The following NAA11 variants were observed in gnomAD, a reference collection of about 807,000 sequenced individuals.
NAA11 encodes the protein N-alpha-acetyltransferase 11, NatA catalytic subunit, also known as N-alpha-acetyltransferase 11.
NAA11 carries 15 observed loss-of-function variants against 16.1 expected under a neutral mutation model. The observed-to-expected ratio is 0.93, with a 90% CI of 0.62 to 1.44. The LOEUF (loss-of-function observed/expected upper bound fraction) is 1.44, where lower values mean the gene tolerates loss of function less well. NAA11 is among the 40% of genes most tolerant of loss of function. The pLI is 0.00. For missense variants in NAA11, 298 were observed against 291.3 expected (o/e 1.02, Z -0.17); for synonymous variants, 122 against 112.4 (o/e 1.09, Z -0.54).
At chr4:79,264,043 A>G (rs1560432667) in intron 2 of NAA11, among the ~76,000 whole-genome samples, 1 of 152,162 alleles carries the variant, frequency 6.6e-6, no homozygotes, top group Non-Finnish European at 1.5e-5. Flanking sequence ...CACTGTGCCC[A>G]GCCTTGCCCT....
intron 2 of NAA11, among the ~76,000 whole-genome samples, chr4:79,268,927 C>CACCTAT (rs1346504025): frequency 7.5e-6 from 1 of 133,728 alleles, no homozygotes; most frequent in African/African-American, 3.0e-5. Flanking sequence ...GTTCAATTCC[C>CACCTAT]ACCTATGAGT....
chr4:79,178,665 A>G, the NAA11 span, among the ~76,000 whole-genome samples: 1 of 152,204 alleles, frequency 6.6e-6, no homozygotes, highest in African/African-American at 2.4e-5. Flanking sequence ...GATACATAGT[A>G]TACACACATA....
the NAA11 span, among the ~76,000 whole-genome samples, chr4:79,202,521 TACACAC>T: frequency 1.1e-4 from 15 of 135,210 alleles, no homozygotes; most frequent in Admixed American, 2.3e-4. Context: ...TAAACTTTTA[TACACAC>T]ACACACACAC....
At chr4:79,222,777 T>A (rs1403002666), downstream of NAA11, among the ~76,000 whole-genome samples, 1 of 151,416 alleles carries the variant, frequency 6.6e-6, no homozygotes, top group African/African-American at 2.4e-5. Flanking sequence ...GAATCTACAA[T>A]GAACTCAAAC....
At chr4:79,283,387 T>A (rs1396375107) in intron 2 of NAA11, among the ~76,000 whole-genome samples, 1 of 151,958 alleles carries the variant, frequency 6.6e-6, no homozygotes, top group African/African-American at 2.4e-5. Flanking sequence ...TTTAGAAGGC[T>A]GGAAAGTGGT....
chr4:79,318,306 A>G (rs1723987905), intron 1 of NAA11, among the ~76,000 whole-genome samples: 1 of 152,188 alleles, frequency 6.6e-6, no homozygotes, highest in Admixed American at 6.5e-5. Flanking sequence ...CAAAATAACC[A>G]TAATGTTTCT....
At chr4:79,169,928 G>C in the NAA11 span, among the ~76,000 whole-genome samples, 1 of 152,180 alleles carries the variant, frequency 6.6e-6, no homozygotes, top group African/African-American at 2.4e-5. Context: ...TGAACAAGTC[G>C]TTTATAGCAA....
chr4:79,222,639 C>T (rs1278022961), downstream of NAA11, among the ~76,000 whole-genome samples: 1 of 142,746 alleles, frequency 7.0e-6, no homozygotes, highest in Non-Finnish European at 1.5e-5. Flanking sequence ...CCAAAATTGA[C>T]AAATGGGATC....
rs912460309 is a variant in NAA11 at position 79,317,548 on chromosome 4, G to C, written c.*256C>G. On this transcript the variant is annotated 3_prime_UTR_variant, in exon 2 of 2. Transcript: ENST00000286794. ...AGAATAAAATGGCAGCGTAGTGTGA[G>C]TAGGCCAAGAAAGGTTCTGTAATGG... 1.3e-5 allele frequency: 2 copies of C among 152,254 alleles called. No homozygotes were observed. Among genetic ancestry groups the C allele is most frequent in the African/African-American group, 4.8e-5 (2 of 41,448 alleles). 9.4% of individuals were successfully genotyped at this position (152,254 alleles called of 1,614,324 possible).
intron 2 of NAA11, among the ~76,000 whole-genome samples, chr4:79,256,675 C>T (rs759451119): frequency 4.5e-5 from 3 of 67,032 alleles, no homozygotes; most frequent in Non-Finnish European, 6.9e-5. Context: ...TATATTGACA[C>T]GAGGTCTCAC....
downstream of NAA11, among the ~76,000 whole-genome samples, chr4:79,225,302 G>T (rs569075182): frequency 6.6e-6 from 1 of 152,072 alleles, no homozygotes; most frequent in South Asian, 2.1e-4. Context: ...GCTGGACCTT[G>T]CAGGACCTCA....
At chr4:79,218,681 A>T in the NAA11 span, among the ~76,000 whole-genome samples, 1 of 152,030 alleles carries the variant, frequency 6.6e-6, no homozygotes, top group Non-Finnish European at 1.5e-5. Context: ...TAATGTCTAG[A>T]TTGAAATGGA....
chr4:79,231,703 C>CAA (rs1170816429), intron 2 of NAA11, among the ~76,000 whole-genome samples: 4 of 151,606 alleles, frequency 2.6e-5, no homozygotes, highest in African/African-American at 9.7e-5. Context: ...AGTAGGGAGA[C>CAA]AAAACATATA....
chr4:79,243,928 C>T (rs745685184), intron 2 of NAA11, among the ~76,000 whole-genome samples: 1 of 152,176 alleles, frequency 6.6e-6, no homozygotes, highest in Admixed American at 6.5e-5. Context: ...GTGGGCTTTC[C>T]GCATGTGCAG....
the NAA11 span, among the ~76,000 whole-genome samples, chr4:79,159,021 G>C: frequency 6.6e-6 from 1 of 152,072 alleles, no homozygotes; most frequent in African/African-American, 2.4e-5. Flanking sequence ...CTAGACATTG[G>C]CTTAGGCAAA....
chr4:79,250,444 A>G (rs891621312), intron 2 of NAA11, among the ~76,000 whole-genome samples: 1 of 152,200 alleles, frequency 6.6e-6, no homozygotes, highest in Non-Finnish European at 1.5e-5. Flanking sequence ...GGAGACTGAA[A>G]CTAGACCCCT....
chr4:79,246,376 C>CAAAAAAAAAAAA (rs1560420199), intron 2 of NAA11, among the ~76,000 whole-genome samples: 33 of 114,136 alleles, frequency 2.9e-4, no homozygotes, highest in Non-Finnish European at 3.9e-4. Context: ...TCAATAAATA[C>CAAAAAAAAAAAA]TAAAAAAAAA....
intron 2 of NAA11, among the ~76,000 whole-genome samples, chr4:79,239,617 T>C (rs1463987521): frequency 6.6e-6 from 1 of 152,084 alleles, no homozygotes; most frequent in East Asian, 1.9e-4. Flanking sequence ...TGAGAATCGC[T>C]TGAACCCGGA....
At chr4:79,236,336 T>C (rs1413201385) in intron 2 of NAA11, among the ~76,000 whole-genome samples, 1 of 152,096 alleles carries the variant, frequency 6.6e-6, no homozygotes, top group Non-Finnish European at 1.5e-5. Context: ...CACCAAATTA[T>C]TTGAGAAGTA....
Sources: allele counts gnomAD v4.1 joint callset (sites outside exome capture counted in the v4.1 genomes callset), GRCh38; gene constraint gnomAD v4.1.1; transcripts MANE v1.5; gene names NCBI Gene and HGNC (gene_info 2026-07-23, HGNC 2026-07-21).